The following PDE7B variants were observed in gnomAD, a reference collection of about 807,000 sequenced individuals.
PDE7B encodes phosphodiesterase 7B, also known as 3',5'-cyclic-AMP phosphodiesterase 7B.
PDE7B carries 29 observed loss-of-function variants against 56.2 expected under a neutral mutation model. The ratio of observed to expected loss-of-function variants is 0.52; its 90% CI spans 0.38 to 0.70. PDE7B has a LOEUF of 0.70. PDE7B is among the 30% of genes least tolerant of loss of function. The pLI is 0.00. For missense variants in PDE7B, 490 were observed against 565.0 expected, an observed-to-expected ratio of 0.87 and a Z score of 1.35; for synonymous variants, 197 against 196.9, an observed-to-expected ratio of 1.00 and a Z score of 0.00.
chr6:135,872,505 T>C (rs560342870), intron 1 of PDE7B, among the ~76,000 whole-genome samples: 4 of 152,326 alleles, frequency 2.6e-5, no homozygotes, highest in African/African-American at 7.2e-5. Context: ...GAATGCAGTA[T>C]GTCAAATGCA....
chr6:135,977,719 G>T (rs375479229), intron 2 of PDE7B, among the ~76,000 whole-genome samples: 1 of 152,102 alleles, frequency 6.6e-6, no homozygotes, highest in Non-Finnish European at 1.5e-5. Flanking sequence ...TGAGAGAAAG[G>T]GGGTGGGTTA....
At chr6:136,027,937 C>A (rs1396531232) in intron 2 of PDE7B, among the ~76,000 whole-genome samples, 1 of 152,104 alleles carries the variant, frequency 6.6e-6, no homozygotes, top group Admixed American at 6.5e-5. Context: ...TTTTTAATAA[C>A]AAAAACTAAT....
intron 8 of PDE7B, among the ~76,000 whole-genome samples, chr6:136,170,113 T>C (rs543179778): frequency 5.3e-5 from 8 of 152,300 alleles, no homozygotes; most frequent in African/African-American, 1.9e-4. Context: ...GAGCATTGAT[T>C]GTGTCACTAA....
At chr6:135,901,029 C>T (rs1031090305) in intron 1 of PDE7B, among the ~76,000 whole-genome samples, 27 of 152,170 alleles carry the variant, frequency 1.8e-4, no homozygotes, top group Non-Finnish European at 2.9e-5. Context: ...CTTGGACTTC[C>T]ACTTATAGAA....
chr6:136,012,233 C>CAGGCTCCCTTCTTCCT (rs1775907559), intron 2 of PDE7B, among the ~76,000 whole-genome samples: 1 of 152,106 alleles, frequency 6.6e-6, no homozygotes, highest in Non-Finnish European at 1.5e-5. Context: ...ATTAGGCCTC[C>CAGGCTCCCTTCTTCCT]AGGCTCCCTT....
At chr6:136,025,137 C>T (rs1776130287) in intron 2 of PDE7B, among the ~76,000 whole-genome samples, 2 of 152,146 alleles carry the variant, frequency 1.3e-5, no homozygotes, top group African/African-American at 4.8e-5. Flanking sequence ...AATGCTGTGG[C>T]AATCCCACAC....
intron 3 of PDE7B, among the ~76,000 whole-genome samples, chr6:136,133,499 T>C (rs17065296): frequency 0.14 from 20,891 of 152,068 alleles, 4,770 homozygotes; most frequent in African/African-American, 0.47. Context: ...TGAATCTTGC[T>C]TGTTCTGGAC....
At position 135,888,722 on chromosome 6, in the gene PDE7B, C is replaced by A. The variant is rs182405877; in HGVS notation, c.21+36703C>A. 5.7e-3 allele frequency among the ~76,000 whole-genome samples: 858 copies of A among 151,600 alleles called. 3 individuals are homozygous for A. The highest frequency in any genetic ancestry group is 0.01 in the Non-Finnish European group (702 of 67,876). On this transcript the variant is annotated intron_variant, in intron 1 of 12. Coordinates refer to ENST00000308191, the MANE Select transcript of PDE7B (RefSeq NM_018945.4). ...ATAAAATAAACATCACTGTTCTGGA[C>A]TATTTAGAAATATAGATCCAAGAAG...
At chr6:136,052,978 T>C (rs945262478) in intron 2 of PDE7B, among the ~76,000 whole-genome samples, 1 of 152,176 alleles carries the variant, frequency 6.6e-6, no homozygotes, top group African/African-American at 2.4e-5. Flanking sequence ...TCCCATTGGC[T>C]CCACTGAATG....
chr6:135,935,217 T>TATATATATATATATATATATATATA (rs1554268029), intron 1 of PDE7B, among the ~76,000 whole-genome samples: 23 of 91,152 alleles, frequency 2.5e-4, no homozygotes, highest in African/African-American at 9.3e-4. Context: ...TATATATATA[T>TATATATATATATATATATATATATA]TTTCATGATT....
chr6:136,110,314 C>T (rs1376672415), intron 3 of PDE7B, among the ~76,000 whole-genome samples: 1 of 152,170 alleles, frequency 6.6e-6, no homozygotes, highest in African/African-American at 2.4e-5. Context: ...GCTGTTCCAG[C>T]TACCCACGGA....
chr6:136,186,929 G>GT, intron 11 of PDE7B, 107 bp from the exon 12 acceptor site: 1 of 708,220 alleles, frequency 1.4e-6, no homozygotes, highest in Admixed American at 2.3e-5. Flanking sequence ...TCAGGAAACA[G>GT]TAATTCCCAG....
intron 1 of PDE7B, among the ~76,000 whole-genome samples, chr6:135,866,621 T>A (rs961010945): frequency 6.6e-6 from 1 of 152,202 alleles, no homozygotes; most frequent in Non-Finnish European, 1.5e-5. Flanking sequence ...GCTCCTGATT[T>A]ATGGCTTTCG....
At chr6:135,965,299 T>C (rs1774977560) in intron 2 of PDE7B, among the ~76,000 whole-genome samples, 1 of 152,080 alleles carries the variant, frequency 6.6e-6, no homozygotes, top group African/African-American at 2.4e-5. Context: ...AGGATCTGCT[T>C]GTTCAGGAGC....
intron 3 of PDE7B, among the ~76,000 whole-genome samples, chr6:136,115,422 A>G (rs1233632693): frequency 2.0e-5 from 3 of 152,204 alleles, no homozygotes. Flanking sequence ...AAGACTTAAG[A>G]AACCAGGAAA....
At position 136,194,592 on chromosome 6, in the gene PDE7B, A is replaced by G; in HGVS notation, c.*2752A>G. On this transcript the variant is annotated 3_prime_UTR_variant, in exon 13 of 13. Coordinates refer to ENST00000308191, the MANE Select transcript of PDE7B (RefSeq NM_018945.4). ...TCTTGCAATATTTCAATAGGAGTCC[A>G]ATTACTAGTTAAAACACTGGCGGGG... 6.6e-6 allele frequency: 1 copy of G among 152,190 alleles called. No individual in the cohort carries two copies. Among genetic ancestry groups the G allele is most frequent in the South Asian group, 2.1e-4 (1 of 4,834 alleles). The allele number at this position is 152,190 out of a possible 1,614,324, so 9.4% of individuals were successfully genotyped here.
chr6:136,147,432 G>T lies in PDE7B; in HGVS notation c.248G>T (p.Arg83Met). 6.2e-7 allele frequency: 1 copy of T among 1,613,510 alleles called. No individual in the cohort carries two copies. Among genetic ancestry groups the T allele is most frequent in the Non-Finnish European group, 8.5e-7 (1 of 1,179,508 alleles). Residue 83 changes from arginine (R) to methionine (M), a missense_variant, in exon 4 of 13, where the codon AGG becomes ATG. Coordinates refer to ENST00000308191, the MANE Select transcript of PDE7B (RefSeq NM_018945.4). ...TTTCAAAGATACTTCCATGCATCAA[G>T]GCTGCTTCGTGGAATTATACCACAA... ...LSFQRYFHAS[R>M]LLRGIIPQAP...
intron 2 of PDE7B, among the ~76,000 whole-genome samples, chr6:135,978,147 C>A (rs561351980): frequency 6.6e-6 from 1 of 152,232 alleles, no homozygotes; most frequent in East Asian, 1.9e-4. Context: ...CTACTACGCA[C>A]CCAGGCTATG....
At chr6:136,115,991 A>G (rs774308428) in intron 3 of PDE7B, among the ~76,000 whole-genome samples, 5 of 152,230 alleles carry the variant, frequency 3.3e-5, no homozygotes, top group Non-Finnish European at 1.5e-5. Context: ...ACTATGAGAT[A>G]TTCTGCTACC....
Sources: allele counts gnomAD v4.1 joint callset (sites outside exome capture counted in the v4.1 genomes callset), GRCh38; gene constraint gnomAD v4.1.1; transcripts MANE v1.5; gene names NCBI Gene and HGNC (gene_info 2026-07-23, HGNC 2026-07-21).